ADGRD1: variants seen among roughly 807,000 people sequenced by gnomAD.
ADGRD1 encodes G-protein coupled receptor 133.
Under a neutral mutation model 113.4 loss-of-function variants are expected in ADGRD1, and 77 were observed. The observed-to-expected ratio is 0.68, with a 90% confidence interval of 0.57 to 0.82. ADGRD1 has a LOEUF of 0.82. Ranked by LOEUF, ADGRD1 falls within the 40% of genes least tolerant of loss-of-function variation. The pLI, the probability that ADGRD1 is intolerant of heterozygous loss-of-function variation, is 0.00. For synonymous variants in ADGRD1, 474 were observed against 475.0 expected, an observed-to-expected ratio of 1.00 and a Z score of 0.03; for missense variants, 1,036 against 1,139.1, an observed-to-expected ratio of 0.91 and a Z score of 1.30.
chr12:131,118,587 C>T (rs375895498), intron 19 of ADGRD1, 136 bp downstream of exon 19: 7 of 614,924 alleles, frequency 1.1e-5, no homozygotes, highest in African/African-American at 7.5e-5. Context: ...CAGGCCCAGC[C>T]GGTGAGAAAG....
chr12:131,040,458 ACCC>A (rs1296198000), intron 13 of ADGRD1, among the ~76,000 whole-genome samples: 2 of 152,198 alleles, frequency 1.3e-5, no homozygotes, highest in African/African-American at 4.8e-5. Context: ...TGTTTGGTAC[ACCC>A]TTTTAAAAAT....
chr12:131,032,747 C>T (rs982128480), intron 13 of ADGRD1, among the ~76,000 whole-genome samples: 1 of 126,704 alleles, frequency 7.9e-6, no homozygotes, highest in Non-Finnish European at 1.7e-5. Flanking sequence ...ATCGCCACCC[C>T]GTCACAGAGG....
Position 131,140,141 on chromosome 12 carries a change from G to A in ADGRD1, c.*878G>A, listed in dbSNP as rs1951209439. ...TTCTTGGGCCACAGGAGCTGGCCGT[G>A]TCCCCGCAGTGCCTGGTGTCCAGGT... On this transcript the variant is annotated 3_prime_UTR_variant, in exon 25 of 25. Coordinates refer to ENST00000261654, the MANE Select transcript of ADGRD1 (RefSeq NM_198827.5). 1 of 152,286 alleles carries A rather than the reference G, an allele frequency of 6.6e-6. No homozygotes were observed. The highest frequency in any genetic ancestry group is 1.5e-5 in the Non-Finnish European group (1 of 68,072). The allele number at this position is 152,286 out of a possible 1,614,324, so 9.4% of individuals were successfully genotyped here. A position where few individuals can be genotyped will look rare whatever the true frequency, so the allele number is the denominator to read the frequency against.
chr12:130,991,194 G>T (rs1171468655), intron 7 of ADGRD1, 116 bp downstream of exon 7: 1 of 757,644 alleles, frequency 1.3e-6, no homozygotes, highest in South Asian at 1.7e-5. Flanking sequence ...GCAGTACATT[G>T]TCTGGGAAGA....
intron 12 of ADGRD1, among the ~76,000 whole-genome samples, chr12:131,012,431 C>G (rs891517254): frequency 6.6e-6 from 1 of 152,144 alleles, no homozygotes; most frequent in Non-Finnish European, 1.5e-5. Context: ...CTGGTTTGCT[C>G]CAGACCCTGT....
At chr12:130,957,300 C>T (rs750057458) in intron 2 of ADGRD1, 21 of 152,500 alleles carry the variant, frequency 1.4e-4, no homozygotes, top group South Asian at 2.1e-4. Context: ...TACACACATG[C>T]ATACACGTAC....
chr12:131,009,247 C>T (rs1395922162), intron 12 of ADGRD1, among the ~76,000 whole-genome samples: 1 of 152,244 alleles, frequency 6.6e-6, no homozygotes, highest in Non-Finnish European at 1.5e-5. Context: ...GATGCATGGC[C>T]TCACGCCCCT....
intron 13 of ADGRD1, among the ~76,000 whole-genome samples, chr12:131,063,344 A>G (rs949947656): frequency 2.0e-5 from 3 of 152,186 alleles, no homozygotes; most frequent in Non-Finnish European, 4.4e-5. Context: ...TCTGTGGATC[A>G]TATTTTTGGT....
rs2136125681 is a variant in ADGRD1 at position 131,140,521 on chromosome 12, G to A, written c.*1258G>A. ...CGGGCTGTGAGGTTCATACTGTGCTGATAGCACTCGTGGTGTCTGTGAAAT... is the reference window on the plus strand; with the variant it reads ...CGGGCTGTGAGGTTCATACTGTGCTAATAGCACTCGTGGTGTCTGTGAAAT... On this transcript the variant is annotated 3_prime_UTR_variant, in exon 25 of 25. Transcript: ENST00000261654. The A allele has an allele frequency of 6.6e-6, 1 of 152,168 alleles. No individual in the cohort carries two copies. The highest frequency in any genetic ancestry group is 1.9e-4 in the East Asian group (1 of 5,166). 9.4% of individuals were successfully genotyped at this position (152,168 alleles called of 1,614,324 possible). A position where few individuals can be genotyped will look rare whatever the true frequency, so the allele number is the denominator to read the frequency against.
intron 20 of ADGRD1, among the ~76,000 whole-genome samples, chr12:131,124,728 G>A (rs901761088): frequency 6.6e-6 from 1 of 151,824 alleles, no homozygotes; most frequent in Non-Finnish European, 1.5e-5. Flanking sequence ...GCCCCTTCTC[G>A]AATTGTTCTC....
intron 13 of ADGRD1, among the ~76,000 whole-genome samples, chr12:131,047,015 G>A (rs980394307): frequency 2.2e-5 from 3 of 137,632 alleles, no homozygotes; most frequent in African/African-American, 8.3e-5. Context: ...CCTCCCTGGT[G>A]AGTGCTCCCT....
chr12:131,134,231 C>G (rs965594163), intron 21 of ADGRD1, among the ~76,000 whole-genome samples: 2 of 152,176 alleles, frequency 1.3e-5, no homozygotes, highest in East Asian at 3.9e-4. Flanking sequence ...CCCCCTAGGC[C>G]AGGGCCAACC....
chr12:131,107,853 C>T (rs1353033006), intron 17 of ADGRD1, among the ~76,000 whole-genome samples: 5 of 152,308 alleles, frequency 3.3e-5, no homozygotes, highest in African/African-American at 1.2e-4. Context: ...CTGCCTTGGG[C>T]GTATCTGAAG....
Position 131,000,747 on chromosome 12 carries a change from CAAA to C in ADGRD1, c.1026+321_1026+323del, listed in dbSNP as rs371823726. Among the ~76,000 whole-genome samples, 30 of 112,650 alleles carry C rather than the reference CAAA, an allele frequency of 2.7e-4. No homozygotes were observed. The East Asian group carries it at 7.3e-3, about 27-fold the overall frequency. The allele number at this position is 112,650 out of a possible 152,430, so 73.9% of individuals were successfully genotyped here. A position where few individuals can be genotyped will look rare whatever the true frequency, so the allele number is the denominator to read the frequency against. On this transcript the variant is annotated intron_variant, in intron 9 of 24. Coordinates refer to ENST00000261654, the MANE Select transcript of ADGRD1 (RefSeq NM_198827.5). ...CAGAGTGAGACTCTGTCTCAAAAAA[CAAA>C]AAAAAAAAAAAAAAAGAGAGAGAGA...
chr12:131,088,271 G>T (rs1412661381), intron 15 of ADGRD1, among the ~76,000 whole-genome samples: 1 of 152,212 alleles, frequency 6.6e-6, no homozygotes, highest in Non-Finnish European at 1.5e-5. Flanking sequence ...TACCGGTAGA[G>T]CCTGGGCTGT....
At position 130,954,667 on chromosome 12, in the gene ADGRD1, G is replaced by A; in HGVS notation, c.103+7G>A. ...AGATCGCAGGACCATCCAGGTAAGAGTGTTTCCTTCTCACTCTGAGCACCG... is the reference window on the plus strand; with the variant it reads ...AGATCGCAGGACCATCCAGGTAAGAATGTTTCCTTCTCACTCTGAGCACCG... On this transcript the variant is annotated splice_region_variant and intron_variant, in intron 2 of 24. Coordinates refer to ENST00000261654, the MANE Select transcript of ADGRD1 (RefSeq NM_198827.5). This position sits in a 1 kb window ranked among gnomAD's most constrained non-coding sequence, Gnocchi z 4.7. 1 of 1,612,468 alleles carries A rather than the reference G, an allele frequency of 6.2e-7. No homozygotes were observed. Among genetic ancestry groups the A allele is most frequent in the Non-Finnish European group, 8.5e-7 (1 of 1,179,608 alleles).
chr12:130,956,993 A>G (rs61484595), intron 2 of ADGRD1: 54,724 of 152,376 alleles, frequency 0.36, 9,927 homozygotes, highest in Middle Eastern at 0.45. Flanking sequence ...ATGTTGACAC[A>G]CATGCATACA....
Position 131,122,259 on chromosome 12 carries a change from G to A in ADGRD1, c.2175+1346G>A, listed in dbSNP as rs11061338. Among the ~76,000 whole-genome samples, 1,538 of 152,216 alleles carry A rather than the reference G, an allele frequency of 0.01. 89 individuals are homozygous for A. The East Asian group carries it at 0.18, about 17-fold the overall frequency. The stretch of plus-strand genomic sequence containing the variant: ...GATCTTTGTGCAAGCAGAGGTGGTC[G>A]CGAGGGAAAGGCTTGTGGCATCAGA... On this transcript the variant is annotated intron_variant, in intron 20 of 24. Coordinates refer to ENST00000261654, the MANE Select transcript of ADGRD1 (RefSeq NM_198827.5).
At chr12:131,070,925 C>T (rs1885114250) in intron 13 of ADGRD1, 1 of 518,946 alleles carries the variant, frequency 1.9e-6, no homozygotes. Flanking sequence ...GAGAAGAGTC[C>T]TGGGGTCAGA....
Sources: allele counts gnomAD v4.1 joint callset (sites outside exome capture counted in the v4.1 genomes callset), GRCh38; gene constraint gnomAD v4.1.1; non-coding constraint Gnocchi (gnomAD v3.1); transcripts MANE v1.5; gene names NCBI Gene and HGNC (gene_info 2026-07-23, HGNC 2026-07-21).